The following KPNB1 variants were observed in gnomAD, a reference collection of about 807,000 sequenced individuals.
KPNB1 encodes the protein karyopherin subunit beta 1.
Under a neutral mutation model 113.0 loss-of-function variants are expected in KPNB1, and 7 were observed. The observed-to-expected ratio is 0.06, with a 90% CI of 0.04 to 0.12. The LOEUF is 0.12. Among genes scored for constraint, KPNB1 ranks in the 10% least tolerant of loss-of-function variants. KPNB1 has a pLI of 1.00. For missense variants in KPNB1, 400 were observed against 1,054.8 expected (o/e 0.38, Z 8.60); for synonymous variants, 363 against 378.6 (o/e 0.96, Z 0.48).
At chr17:47,680,712 A>C in intron 21 of KPNB1, 43 bp downstream of exon 21, 3 of 1,581,900 alleles carry the variant, frequency 1.9e-6, no homozygotes, top group Non-Finnish European at 2.6e-6. Flanking sequence ...TACTTCCTGG[A>C]GGAGGGGGGT....
intron 4 of KPNB1, among the ~76,000 whole-genome samples, chr17:47,657,866 G>A (rs1714792065): frequency 6.6e-6 from 1 of 152,178 alleles, no homozygotes; most frequent in South Asian, 2.1e-4. Flanking sequence ...AATGGAAACG[G>A]GTGGGGAAAG....
chr17:47,658,227 A>G lies in KPNB1; in HGVS notation c.484-281A>G, dbSNP rs2029966751. On this transcript the variant is annotated intron_variant, in intron 4 of 21. Transcript: ENST00000290158. ...TTACATAAAATGGTGTAGTATTTGC[A>G]TATAACCTATGCACATCCTCCCATA... Among the ~76,000 whole-genome samples, 4 of 152,208 alleles carry G rather than the reference A, an allele frequency of 2.6e-5. No individual in the cohort carries two copies. The South Asian group carries it at 8.3e-4, about 32-fold the overall frequency.
chr17:47,651,409 A>G (rs1195387133), intron 2 of KPNB1: 43 of 930,078 alleles, frequency 4.6e-5, no homozygotes, highest in Non-Finnish European at 5.4e-5. Context: ...AACACTAACC[A>G]TATGTGTTCC....
chr17:47,675,877 A>G (rs2030601925), intron 15 of KPNB1, among the ~76,000 whole-genome samples: 1 of 152,180 alleles, frequency 6.6e-6, no homozygotes, highest in Non-Finnish European at 1.5e-5. Context: ...CCTATGTCCA[A>G]CTGGTCTGTC....
chr17:47,650,913 C>T (rs1213756323), intron 2 of KPNB1, among the ~76,000 whole-genome samples: 1 of 152,190 alleles, frequency 6.6e-6, no homozygotes, highest in Non-Finnish European at 1.5e-5. Flanking sequence ...TCCTAGAGCT[C>T]TGCCCTTTCC....
chr17:47,663,649 G>GT (rs2030175992), intron 7 of KPNB1, among the ~76,000 whole-genome samples: 4 of 152,004 alleles, frequency 2.6e-5, no homozygotes, highest in Middle Eastern at 3.2e-3. Flanking sequence ...GGGCCAGAAA[G>GT]CGAGACTCTG....
At chr17:47,667,189 G>A (rs1315605887) in intron 9 of KPNB1, among the ~76,000 whole-genome samples, 5 of 151,956 alleles carry the variant, frequency 3.3e-5, no homozygotes, top group South Asian at 4.1e-4. Context: ...GCAGTGGGGC[G>A]GTCTTGGCTC....
chr17:47,658,412 A>G (rs2029973687), intron 4 of KPNB1, 96 bp from the exon 5 acceptor site: 6 of 1,365,992 alleles, frequency 4.4e-6, no homozygotes, highest in African/African-American at 1.5e-5. Context: ...TTTCCTCTAA[A>G]TATTTTCAAT....
chr17:47,665,011 C>T, intron 8 of KPNB1, 46 bp from the exon 9 acceptor site: 1 of 1,440,344 alleles, frequency 6.9e-7, no homozygotes. Flanking sequence ...CTTTAGTATA[C>T]AGAGCTCGGT....
Position 47,674,993 on chromosome 17 carries a change from T to C in KPNB1, c.1912+211T>C, listed in dbSNP as rs151044920. Among the ~76,000 whole-genome samples the C allele has an allele frequency of 2.1e-4, 32 of 152,290 alleles. No homozygotes were observed. In the East Asian group the frequency reaches 4.4e-3, roughly 21 times the overall value. On this transcript the variant is annotated intron_variant, in intron 15 of 21. Transcript: ENST00000290158. ...CACCACCATGCCCAGCTAATTTTTATATTTTTGGTAGAGATGGAGTTTCGC... is the reference window on the plus strand; with the variant it reads ...CACCACCATGCCCAGCTAATTTTTACATTTTTGGTAGAGATGGAGTTTCGC...
At chr17:47,665,024 C>CT in intron 8 of KPNB1, 33 bp from the exon 9 acceptor site, 1 of 1,581,108 alleles carries the variant, frequency 6.3e-7, no homozygotes, top group African/African-American at 1.3e-5. Flanking sequence ...AGCTCGGTTG[C>CT]TTTTGTCTAG....
Position 47,658,580 on chromosome 17 carries a change from C to T in KPNB1, c.556C>T (p.Pro186Ser). 6.2e-7 allele frequency: 1 copy of T among 1,613,800 alleles called. No homozygotes were observed. The highest frequency in any genetic ancestry group is 8.5e-7 in the Non-Finnish European group (1 of 1,179,950). The part of the protein sequence containing the change: ...AIIQGMRKEE[P>S]SNNVKLAATN... Reference sequence around the variant, plus strand: ...AATCCAGGGGATGAGGAAAGAAGAGCCTAGTAATAATGTGAAGCTAGCTGC... The same window carrying T: ...AATCCAGGGGATGAGGAAAGAAGAGTCTAGTAATAATGTGAAGCTAGCTGC... Residue 186 changes from proline (P) to serine (S), a missense_variant, in exon 5 of 22, where the codon CCT becomes TCT. This residue lies in a region of KPNB1 where 285 missense variants were observed against 627.0 expected (regional missense o/e 0.45). Transcript: ENST00000290158.
At chr17:47,675,176 C>T (rs2030558520) in intron 15 of KPNB1, among the ~76,000 whole-genome samples, 1 of 151,864 alleles carries the variant, frequency 6.6e-6, no homozygotes, top group Admixed American at 6.6e-5. Context: ...TGGTCTCAAA[C>T]TCCTGGGCCT....
At chr17:47,666,527 TTATGTTA>T (rs1165393342) in intron 9 of KPNB1, among the ~76,000 whole-genome samples, 1 of 111,804 alleles carries the variant, frequency 8.9e-6, no homozygotes, top group Non-Finnish European at 2.0e-5. Context: ...TTTATATGTA[TTATGTTA>T]TATATTATAT....
chr17:47,665,964 A>G (rs2030254097), intron 9 of KPNB1, among the ~76,000 whole-genome samples: 1 of 152,228 alleles, frequency 6.6e-6, no homozygotes. Context: ...AGCAGTTTCA[A>G]AAGCTAAGTA....
intron 11 of KPNB1, 40 bp from the exon 12 acceptor site, chr17:47,670,662 G>C (rs746646689): frequency 3.8e-6 from 6 of 1,561,234 alleles, no homozygotes; most frequent in Non-Finnish European, 5.2e-6. Flanking sequence ...TAAGGTGTGG[G>C]GTTCTTTCAG....
At position 47,680,681 on chromosome 17, in the gene KPNB1, C is replaced by G; in HGVS notation, c.2630+12C>G. On this transcript the variant is annotated intron_variant, in intron 21 of 21. Coordinates refer to ENST00000290158, the MANE Select transcript of KPNB1 (RefSeq NM_002265.6). ...AAGAACCAAGCTTGGTAAGATCTTGCCTCCACTGTCCTCTTTCTTCTACTT... is the reference window on the plus strand; with the variant it reads ...AAGAACCAAGCTTGGTAAGATCTTGGCTCCACTGTCCTCTTTCTTCTACTT... 1 of 1,610,682 alleles carries G rather than the reference C, an allele frequency of 6.2e-7. No homozygotes were observed. The highest frequency in any genetic ancestry group is 8.5e-7 in the Non-Finnish European group (1 of 1,178,016).
At position 47,663,186 on chromosome 17, in the gene KPNB1, T is replaced by A; in HGVS notation, c.786+8T>A. The A allele has an allele frequency of 7.4e-7, 1 of 1,356,020 alleles. No homozygotes were observed. Among genetic ancestry groups the A allele is most frequent in the Non-Finnish European group, 1.1e-6 (1 of 945,208 alleles). 84.0% of individuals were successfully genotyped at this position (1,356,020 alleles called of 1,614,324 possible). On this transcript the variant is annotated splice_region_variant and intron_variant, in intron 7 of 21. Transcript: ENST00000290158. The stretch of plus-strand genomic sequence containing the variant: ...GGTCCTGCTCTTTTTGCAGTAAGTA[T>A]TTCTATTTATGTGATTTGAGCTTGT...
chr17:47,662,791 G>A (rs1337903925), intron 6 of KPNB1, among the ~76,000 whole-genome samples: 1 of 152,014 alleles, frequency 6.6e-6, no homozygotes, highest in African/African-American at 2.4e-5. Flanking sequence ...GCTGAGGCAC[G>A]AGAATTGCTT....
Sources: allele counts gnomAD v4.1 joint callset (sites outside exome capture counted in the v4.1 genomes callset), GRCh38; gene constraint gnomAD v4.1.1; regional missense constraint gnomAD v4.1.1; transcripts MANE v1.5; gene names NCBI Gene and HGNC (gene_info 2026-07-23, HGNC 2026-07-21).